Variants in STK11 observed in about 807,000 individuals in gnomAD.
The protein encoded by STK11 is serine/threonine kinase 11, also known as serine/threonine-protein kinase STK11.
A neutral mutation model predicts 47.3 loss-of-function variants in STK11; 8 were observed. That is an observed-to-expected ratio of 0.17 (90% CI 0.10 to 0.31). The LOEUF is 0.31. Among genes scored for constraint, STK11 ranks in the 10% least tolerant of loss-of-function variants. The probability of loss-of-function intolerance (pLI) is 1.00; values close to 1 mark genes in which losing one functional copy is unlikely to be tolerated. For synonymous variants in STK11, 330 were observed against 255.8 expected (o/e 1.29, Z -2.77); for missense variants, 475 against 605.0 (o/e 0.79, Z 2.25).
At chr19:1,216,480 G>T in intron 1 of STK11, 1 of 154,746 alleles carries the variant, frequency 6.5e-6, no homozygotes, top group Non-Finnish European at 1.4e-5. Context: ...CTCAGGGGCT[G>T]AGTCAGGAGA....
rs1568688496 is a variant in STK11 at position 1,206,186 on chromosome 19, G to A, written c.-728G>A. On this transcript the variant is annotated 5_prime_UTR_variant, in exon 1 of 10. Transcript: ENST00000326873. ...CACCTTGGGGGTCGCGGGCCGGCTC[G>A]GGGGGCGCCCAGTGCGGGCCCTCGC... 6.2e-6 allele frequency: 1 copy of A among 161,068 alleles called. No homozygotes were observed. Among genetic ancestry groups the A allele is most frequent in the Non-Finnish European group, 1.4e-5 (1 of 73,902 alleles). 10.0% of individuals were successfully genotyped at this position (161,068 alleles called of 1,614,324 possible). A position where few individuals can be genotyped will look rare whatever the true frequency, so the allele number is the denominator to read the frequency against.
At position 1,227,640 on chromosome 19, in the gene STK11, TC is replaced by T. The variant is rs2080835462; in HGVS notation, c.*66del. On this transcript the variant is annotated 3_prime_UTR_variant, in exon 10 of 10. Coordinates refer to ENST00000326873, the MANE Select transcript of STK11 (RefSeq NM_000455.5). ...GGTGCCCGCGCCAGGCCCTCAGTCT[TC>T]CTGCCGGTTCCGCCCGCCCTCCCGG... The T allele has an allele frequency of 2.8e-6, 3 of 1,067,294 alleles. No homozygotes were observed. The highest frequency in any genetic ancestry group is 2.3e-6 in the Non-Finnish European group (2 of 880,612). 66.1% of individuals were successfully genotyped at this position (1,067,294 alleles called of 1,614,324 possible). A position where few individuals can be genotyped will look rare whatever the true frequency, so the allele number is the denominator to read the frequency against.
chr19:1,219,162 C>T (rs1268741693), intron 2 of STK11, among the ~76,000 whole-genome samples, 162 bp from the exon 3 acceptor site: 2 of 152,152 alleles, frequency 1.3e-5, no homozygotes, highest in Non-Finnish European at 2.9e-5. Flanking sequence ...GCTGGGGCCC[C>T]TGGGCCTTTT....
intron 9 of STK11, chr19:1,227,177 CCT>C (rs1375401571): frequency 1.3e-5 from 2 of 159,078 alleles, no homozygotes; most frequent in Non-Finnish European, 2.8e-5. Context: ...GTGCCTGCCT[CCT>C]CTCCCAGCCC....
At chr19:1,224,213 G>A in intron 8 of STK11, 2 of 984,866 alleles carry the variant, frequency 2.0e-6, no homozygotes, top group Non-Finnish European at 1.2e-6. Context: ...GTGTCTGGGG[G>A]CCCCCCAGGA....
At chr19:1,215,065 C>T (rs1165206692) in intron 1 of STK11, among the ~76,000 whole-genome samples, 5 of 152,220 alleles carry the variant, frequency 3.3e-5, no homozygotes, top group Non-Finnish European at 5.9e-5. Context: ...GCACACAGAG[C>T]CCTGGGGAAC....
In STK11 at chr19:1,228,287, T is replaced by C; in HGVS notation, c.*711T>C. The C allele has an allele frequency of 3.5e-6, 1 of 286,654 alleles. No individual in the cohort carries two copies. Among genetic ancestry groups the C allele is most frequent in the Non-Finnish European group, 6.0e-6 (1 of 167,936 alleles). 17.8% of individuals were successfully genotyped at this position (286,654 alleles called of 1,614,324 possible). A position where few individuals can be genotyped will look rare whatever the true frequency, so the allele number is the denominator to read the frequency against. ...AGAGAAAACCCGGAGCAAGCAGGAG[T>C]GTGCGGTCAATATTTATATCATCCA... On this transcript the variant is annotated 3_prime_UTR_variant, in exon 10 of 10. Transcript: ENST00000326873.
At chr19:1,213,027 C>T (rs1382737467) in intron 1 of STK11, among the ~76,000 whole-genome samples, 5 of 121,164 alleles carry the variant, frequency 4.1e-5, no homozygotes, top group East Asian at 2.6e-4. Flanking sequence ...GATGGAGTCT[C>T]GCTCTGTCAC....
chr19:1,214,320 G>A (rs1034990605), intron 1 of STK11, among the ~76,000 whole-genome samples: 1 of 152,206 alleles, frequency 6.6e-6, no homozygotes, highest in East Asian at 1.9e-4. Flanking sequence ...ACGTGCCTGC[G>A]CAGAATGCCT....
rs368466538 is a variant in STK11, at chr19:1,226,570, C to A, written c.1225C>A (p.Arg409=). Residue 409 remains arginine (R), a synonymous_variant, in exon 9 of 10, where the codon CGG becomes AGG. Coordinates refer to ENST00000326873, the MANE Select transcript of STK11 (RefSeq NM_000455.5). ...QLSTKSRAEG[R]APNPARKACS... is the part of the protein sequence containing the mutation. ...GAGCACCAAATCCAGGGCGGAGGGC[C>A]GGGCCCCCAACCCTGCCCGCAAGGC... 1 of 1,588,206 alleles carries A rather than the reference C, an allele frequency of 6.3e-7. No individual in the cohort carries two copies. Among genetic ancestry groups the A allele is most frequent in the Non-Finnish European group, 8.6e-7 (1 of 1,168,798 alleles).
At chr19:1,223,276 G>C in intron 8 of STK11, 104 bp downstream of exon 8, 2 of 1,363,744 alleles carry the variant, frequency 1.5e-6, no homozygotes, top group African/African-American at 1.4e-5. Flanking sequence ...TCTGCCCTCT[G>C]GTGGCCAATC....
chr19:1,225,276 C>T (rs2080812990), intron 8 of STK11: 2 of 853,474 alleles, frequency 2.3e-6, no homozygotes, highest in African/African-American at 3.7e-5. Flanking sequence ...TCTTTTTTAT[C>T]TTTTTTTTTT....
rs1180509385 is a variant in STK11, at chr19:1,206,497, G to A, written c.-417G>A. On this transcript the variant is annotated 5_prime_UTR_variant, in exon 1 of 10. Coordinates refer to ENST00000326873, the MANE Select transcript of STK11 (RefSeq NM_000455.5). Reference sequence around the variant, plus strand: ...GGATGGGCGGCCCGGAGAAGACTGCGCTCGGCCGTGTTCATACTTGTCCGT... The same window carrying A: ...GGATGGGCGGCCCGGAGAAGACTGCACTCGGCCGTGTTCATACTTGTCCGT... The A allele has an allele frequency of 1.6e-5, 4 of 257,158 alleles. No individual in the cohort carries two copies. Among genetic ancestry groups the A allele is most frequent in the Admixed American group, 5.0e-5 (1 of 19,962 alleles). 15.9% of individuals were successfully genotyped at this position (257,158 alleles called of 1,614,324 possible). A position where few individuals can be genotyped will look rare whatever the true frequency, so the allele number is the denominator to read the frequency against.
intron 6 of STK11, 96 bp from the exon 7 acceptor site, chr19:1,221,853 C>G: frequency 6.9e-7 from 1 of 1,446,184 alleles, no homozygotes; most frequent in African/African-American, 1.4e-5. Context: ...CCAGGTATCA[C>G]CCAGGGCCTG....
Position 1,221,348 on chromosome 19 carries a change from C to T in STK11, c.862+8C>T, listed in dbSNP as rs1555738737. 1 of 1,600,444 alleles carries T rather than the reference C, an allele frequency of 6.2e-7. No individual in the cohort carries two copies. Among genetic ancestry groups the T allele is most frequent in the East Asian group, 2.2e-5 (1 of 44,466 alleles). ...TCTCTGACCTGCTGAAAGGTGGGAG[C>T]CTCATCCCTCTGCCCGCAGCCCCAG... On this transcript the variant is annotated splice_region_variant and intron_variant, in intron 6 of 9. Coordinates refer to ENST00000326873, the MANE Select transcript of STK11 (RefSeq NM_000455.5).
chr19:1,218,304 G>A (rs965399992), intron 1 of STK11, 113 bp from the exon 2 acceptor site: 22 of 861,120 alleles, frequency 2.6e-5, no homozygotes, highest in Admixed American at 3.6e-5. Context: ...TTCTCTCTAG[G>A]GAAGGGAGGA....
At chr19:1,226,416 C>T (rs548845643) in intron 8 of STK11, 38 bp from the exon 9 acceptor site, 4 of 1,595,590 alleles carry the variant, frequency 2.5e-6, no homozygotes, top group Admixed American at 1.7e-5. Context: ...TGGGGTTGCG[C>T]CCCTCAGCTC....
intron 1 of STK11, among the ~76,000 whole-genome samples, chr19:1,212,644 C>T (rs942134006): frequency 6.6e-6 from 1 of 152,164 alleles, no homozygotes; most frequent in Non-Finnish European, 1.5e-5. Context: ...TGGCTCACTG[C>T]AAGCTCCGCT....
intron 8 of STK11, chr19:1,223,655 G>T: frequency 9.4e-7 from 1 of 1,066,746 alleles, no homozygotes; most frequent in African/African-American, 1.7e-5. Flanking sequence ...GGAGGCGTCT[G>T]AGGCAGGGCT....
Sources: allele counts gnomAD v4.1 joint callset (sites outside exome capture counted in the v4.1 genomes callset), GRCh38; gene constraint gnomAD v4.1.1; transcripts MANE v1.5; gene names NCBI Gene and HGNC (gene_info 2026-07-23, HGNC 2026-07-21).